Variants in CFAP58 observed in about 807,000 individuals in gnomAD.
CFAP58 encodes the protein cilia and flagella associated protein 58, also known as cilia- and flagella-associated protein 58.
Under a neutral mutation model 119.5 loss-of-function variants are expected in CFAP58, and 88 were observed. The observed-to-expected ratio is 0.74, with a 90% confidence interval of 0.62 to 0.88. CFAP58 has a LOEUF of 0.88. CFAP58 is among the 40% of genes least tolerant of loss of function. The probability of loss-of-function intolerance (pLI) is 0.00; values close to 1 mark genes in which losing one functional copy is unlikely to be tolerated. For synonymous variants in CFAP58, 365 were observed against 366.3 expected (o/e 1.00, Z 0.04); for missense variants, 990 against 1,021.2 (o/e 0.97, Z 0.42).
chr10:104,373,924 A>C (rs1691314716), intron 7 of CFAP58, among the ~76,000 whole-genome samples: 1 of 152,222 alleles, frequency 6.6e-6, no homozygotes, highest in East Asian at 1.9e-4. Flanking sequence ...TTATCATCTA[A>C]GGTAAGGTGT....
At chr10:104,353,787 G>A, upstream of CFAP58, 2 of 1,354,312 alleles carry the variant, frequency 1.5e-6, no homozygotes, top group Admixed American at 2.1e-5. Flanking sequence ...GTTTCCGCTC[G>A]GGGCGGGCGA....
chr10:104,411,025 C>T lies in CFAP58; in HGVS notation c.2256+4232C>T, dbSNP rs555734127. Among the ~76,000 whole-genome samples the T allele has an allele frequency of 6.6e-5, 10 of 152,172 alleles. No individual in the cohort carries two copies. The East Asian group carries it at 1.2e-3, about 18-fold the overall frequency. ...TGCAATCTTGGCGCACTGCAACCTC[C>T]GCTTCCCAGGTTCAAGCGATTCTCC... On this transcript the variant is annotated intron_variant, in intron 15 of 17. Coordinates refer to ENST00000369704, the MANE Select transcript of CFAP58 (RefSeq NM_001008723.2).
At chr10:104,409,684 G>A (rs1236650982) in intron 15 of CFAP58, among the ~76,000 whole-genome samples, 1 of 151,966 alleles carries the variant, frequency 6.6e-6, no homozygotes, top group Non-Finnish European at 1.5e-5. Context: ...CTTCCTGCTT[G>A]AATTGCTCCT....
At chr10:104,381,617 A>AT (rs59970506) in intron 9 of CFAP58, among the ~76,000 whole-genome samples, 1,787 of 147,166 alleles carry the variant, frequency 0.012, 11 homozygotes, top group South Asian at 0.02. Context: ...GCATGCTTAA[A>AT]TTTTTTTTTT....
intron 1 of CFAP58, among the ~76,000 whole-genome samples, chr10:104,355,157 A>G (rs924345532): frequency 1.3e-5 from 2 of 151,864 alleles, no homozygotes; most frequent in Admixed American, 6.6e-5. Flanking sequence ...AGTCATTTGT[A>G]TCTCTTTCTT....
chr10:104,391,188 A>G (rs1447468547), intron 9 of CFAP58, among the ~76,000 whole-genome samples: 1 of 152,210 alleles, frequency 6.6e-6, no homozygotes, highest in African/African-American at 2.4e-5. Flanking sequence ...GAATATCAGG[A>G]TGGCAGAAGT....
chr10:104,343,081 AAG>A, the CFAP58 span, among the ~76,000 whole-genome samples: 1 of 152,284 alleles, frequency 6.6e-6, no homozygotes, highest in East Asian at 1.9e-4. Context: ...GAGGGGAAAA[AAG>A]GGCACTTCCC....
intron 17 of CFAP58, among the ~76,000 whole-genome samples, chr10:104,452,292 TAATC>T (rs986328370): frequency 1.5e-4 from 23 of 148,486 alleles, no homozygotes; most frequent in African/African-American, 5.6e-4. Context: ...TGAAAGAAAA[TAATC>T]AATTAATAAA....
chr10:104,340,637 G>A, the CFAP58 span, among the ~76,000 whole-genome samples: 1 of 152,142 alleles, frequency 6.6e-6, no homozygotes, highest in Non-Finnish European at 1.5e-5. Flanking sequence ...CTCCTGCTTC[G>A]AACAGTGAAA....
intron 10 of CFAP58, among the ~76,000 whole-genome samples, chr10:104,392,773 G>A (rs1249404110): frequency 6.6e-6 from 1 of 151,668 alleles, no homozygotes; most frequent in East Asian, 1.9e-4. Context: ...CTGAGTAGCT[G>A]GGATTACAGG....
At chr10:104,390,961 C>T (rs962444495) in intron 9 of CFAP58, among the ~76,000 whole-genome samples, 1 of 151,998 alleles carries the variant, frequency 6.6e-6, no homozygotes, top group Admixed American at 6.6e-5. Context: ...TCCTTAAGCA[C>T]CTGTAAAAAA....
chr10:104,371,174 C>T (rs2014818586), intron 7 of CFAP58, 120 bp downstream of exon 7: 2 of 948,500 alleles, frequency 2.1e-6, no homozygotes, highest in Non-Finnish European at 3.1e-6. Flanking sequence ...AGTAAAACAA[C>T]ACTCACACTG....
chr10:104,373,978 G>A (rs987132284), intron 7 of CFAP58, among the ~76,000 whole-genome samples: 3 of 152,236 alleles, frequency 2.0e-5, no homozygotes, highest in Non-Finnish European at 4.4e-5. Context: ...GAAAATAATG[G>A]CATGACAATA....
chr10:104,418,299 A>G (rs1419932061), intron 15 of CFAP58, among the ~76,000 whole-genome samples: 1 of 152,248 alleles, frequency 6.6e-6, no homozygotes, highest in African/African-American at 2.4e-5. Flanking sequence ...CTGTAATCCC[A>G]GCACTTTGGG....
intron 9 of CFAP58, among the ~76,000 whole-genome samples, chr10:104,387,390 G>T (rs1390797527): frequency 6.6e-6 from 1 of 152,142 alleles, no homozygotes; most frequent in Admixed American, 6.6e-5. Context: ...ACAAAGCCAC[G>T]CATACAGGCA....
At chr10:104,385,454 A>G (rs1371992847) in intron 9 of CFAP58, among the ~76,000 whole-genome samples, 1 of 152,174 alleles carries the variant, frequency 6.6e-6, no homozygotes, top group Non-Finnish European at 1.5e-5. Flanking sequence ...ACTAAAAAAG[A>G]AAAAAGAAAA....
At chr10:104,407,089 A>G (rs1449818708) in intron 15 of CFAP58, among the ~76,000 whole-genome samples, 1 of 152,208 alleles carries the variant, frequency 6.6e-6, no homozygotes, top group African/African-American at 2.4e-5. Context: ...ATTCTTTTAA[A>G]CATTTTTCTT....
chr10:104,408,629 A>T (rs2012404588), intron 15 of CFAP58, among the ~76,000 whole-genome samples: 2 of 152,314 alleles, frequency 1.3e-5, no homozygotes, highest in South Asian at 2.1e-4. Flanking sequence ...TTTGCCAAGC[A>T]TCTGTATTAT....
intron 15 of CFAP58, among the ~76,000 whole-genome samples, chr10:104,424,623 G>A (rs950291639): frequency 6.6e-6 from 1 of 152,158 alleles, no homozygotes; most frequent in African/African-American, 2.4e-5. Flanking sequence ...TGATCTCCGT[G>A]AGCAGTGTGT....
Sources: allele counts gnomAD v4.1 joint callset (sites outside exome capture counted in the v4.1 genomes callset), GRCh38; gene constraint gnomAD v4.1.1; transcripts MANE v1.5; gene names NCBI Gene and HGNC (gene_info 2026-07-23, HGNC 2026-07-21).